The following CSMD3 variants were observed in gnomAD, a reference collection of about 807,000 sequenced individuals.
CSMD3 encodes the protein CUB and sushi domain-containing protein 3.
Under a neutral mutation model 435.2 loss-of-function variants are expected in CSMD3, and 177 were observed. That is an observed-to-expected ratio of 0.41 (90% confidence interval 0.36 to 0.46). CSMD3 has a LOEUF of 0.46. Ranked by LOEUF, CSMD3 falls within the 20% of genes least tolerant of loss-of-function variation. The pLI is 0.34. For missense variants in CSMD3, 4,265 were observed against 4,504.6 expected, an observed-to-expected ratio of 0.95 and a Z score of 1.52; for synonymous variants, 1,656 against 1,520.5, an observed-to-expected ratio of 1.09 and a Z score of -2.07.
At chr8:113,066,817 CAG>C (rs2131386074) in intron 5 of CSMD3, among the ~76,000 whole-genome samples, 2 of 151,324 alleles carry the variant, frequency 1.3e-5, no homozygotes, top group South Asian at 4.2e-4. Flanking sequence ...AGAAAAAAAA[CAG>C]ATATCATTGG....
chr8:113,266,048 T>C (rs2093468082), intron 3 of CSMD3, among the ~76,000 whole-genome samples: 1 of 151,426 alleles, frequency 6.6e-6, no homozygotes, highest in African/African-American at 2.4e-5. Context: ...TAACATAATC[T>C]TATCTTACTA....
chr8:112,548,297 T>C (rs1369474953), intron 27 of CSMD3, among the ~76,000 whole-genome samples: 1 of 152,144 alleles, frequency 6.6e-6, no homozygotes, highest in African/African-American at 2.4e-5. Flanking sequence ...ACCTTTGATG[T>C]GGTGCTTGGA....
chr8:113,256,674 C>T (rs2093383360), intron 3 of CSMD3, among the ~76,000 whole-genome samples: 1 of 152,166 alleles, frequency 6.6e-6, no homozygotes, highest in Non-Finnish European at 1.5e-5. Flanking sequence ...TCAAATTAAT[C>T]CATCCTACTT....
intron 13 of CSMD3, among the ~76,000 whole-genome samples, chr8:112,691,786 T>G (rs1330640037): frequency 6.6e-6 from 1 of 151,990 alleles, no homozygotes; most frequent in Non-Finnish European, 1.5e-5. Flanking sequence ...TAAATTGTTT[T>G]TTTGTTTGTT....
intron 2 of CSMD3, among the ~76,000 whole-genome samples, chr8:113,294,172 G>T (rs2093704065): frequency 6.6e-6 from 1 of 151,920 alleles, no homozygotes; most frequent in South Asian, 2.1e-4. Flanking sequence ...TTAGGAACAT[G>T]AAACTATCTT....
At chr8:113,250,915 A>G (rs1176889974) in intron 3 of CSMD3, among the ~76,000 whole-genome samples, 3 of 152,168 alleles carry the variant, frequency 2.0e-5, no homozygotes, top group Non-Finnish European at 4.4e-5. Flanking sequence ...TGGGCATTCA[A>G]AAAATAAATA....
At chr8:113,007,694 T>G (rs942201130) in intron 6 of CSMD3, among the ~76,000 whole-genome samples, 2 of 151,964 alleles carry the variant, frequency 1.3e-5, no homozygotes, top group Non-Finnish European at 2.9e-5. Flanking sequence ...AGGTTTCTGT[T>G]GAGGGTGTTT....
At chr8:113,329,001 C>G (rs2132756518) in intron 1 of CSMD3, among the ~76,000 whole-genome samples, 1 of 151,536 alleles carries the variant, frequency 6.6e-6, no homozygotes, top group South Asian at 2.1e-4. Context: ...CTCAGCCTCC[C>G]AAAATGCTGG....
chr8:112,289,305 C>T (rs2130653168), intron 57 of CSMD3, 60 bp downstream of exon 57: 1 of 1,315,868 alleles, frequency 7.6e-7, no homozygotes, highest in East Asian at 2.3e-5. Flanking sequence ...TACGTTGCTA[C>T]TACTACTACT....
At chr8:112,636,077 T>C (rs1184288701) in intron 22 of CSMD3, among the ~76,000 whole-genome samples, 2 of 152,164 alleles carry the variant, frequency 1.3e-5, no homozygotes, top group African/African-American at 4.8e-5. Context: ...AAGAAGTTTT[T>C]GGCCTTAATA....
intron 5 of CSMD3, among the ~76,000 whole-genome samples, chr8:113,096,389 C>T (rs1243154270): frequency 1.3e-5 from 2 of 152,132 alleles, no homozygotes; most frequent in African/African-American, 2.4e-5. Context: ...TCCAACTTCA[C>T]ATTTCAAGAA....
intron 6 of CSMD3, among the ~76,000 whole-genome samples, chr8:113,009,356 G>C (rs2086172817): frequency 6.6e-6 from 1 of 151,776 alleles, no homozygotes. Flanking sequence ...AATCTATTCA[G>C]GTTCACAGAC....
chr8:112,465,132 G>T (rs1817829476), intron 32 of CSMD3, among the ~76,000 whole-genome samples: 1 of 152,090 alleles, frequency 6.6e-6, no homozygotes, highest in Non-Finnish European at 1.5e-5. Flanking sequence ...TAGAGAAGGG[G>T]TGATTATCCC....
intron 3 of CSMD3, among the ~76,000 whole-genome samples, chr8:113,206,187 A>G (rs1249210717): frequency 1.3e-5 from 2 of 152,080 alleles, no homozygotes; most frequent in South Asian, 2.1e-4. Flanking sequence ...ACAAAATTGC[A>G]CATGTCCCCC....
intron 10 of CSMD3, among the ~76,000 whole-genome samples, chr8:112,896,882 T>C (rs182527774): frequency 9.0e-4 from 137 of 151,520 alleles, no homozygotes; most frequent in Admixed American, 2.4e-3. Context: ...CCTTGGCCTA[T>C]AAAAACCTGC....
chr8:113,328,837 C>G (rs974504188), intron 1 of CSMD3, among the ~76,000 whole-genome samples: 8 of 145,118 alleles, frequency 5.5e-5, no homozygotes, highest in Non-Finnish European at 8.9e-5. Context: ...CCTTCCCAGG[C>G]TCAAGCCATC....
intron 6 of CSMD3, among the ~76,000 whole-genome samples, chr8:112,995,922 T>C (rs1004039021): frequency 6.6e-6 from 1 of 151,492 alleles, no homozygotes; most frequent in East Asian, 1.9e-4. Flanking sequence ...CCTTCTATCT[T>C]AGGAGGTTTA....
chr8:112,889,666 G>A (rs921915918), intron 10 of CSMD3, among the ~76,000 whole-genome samples: 7 of 151,430 alleles, frequency 4.6e-5, no homozygotes, highest in Admixed American at 6.6e-5. Context: ...CTTGGGCGGC[G>A]GTTATGTTGG....
rs184715187 is a variant in CSMD3, at chr8:112,830,158, G to A, written c.1756-369C>T. On this transcript the variant is annotated intron_variant, in intron 11 of 70. Transcript: ENST00000297405. ...AAGGCTTTATAAAAAGTATATGTAG[G>A]TGGAGAGTGGTTTTCCACATATTTG... Among the ~76,000 whole-genome samples, 357 of 151,926 alleles carry A rather than the reference G, an allele frequency of 2.3e-3. 1 individual carries two copies. Among genetic ancestry groups the A allele is most frequent in the African/African-American group, 8.2e-3 (341 of 41,484 alleles).
Sources: allele counts gnomAD v4.1 joint callset (sites outside exome capture counted in the v4.1 genomes callset), GRCh38; gene constraint gnomAD v4.1.1; transcripts MANE v1.5; gene names NCBI Gene and HGNC (gene_info 2026-07-23, HGNC 2026-07-21).